PRKCE: variants seen among roughly 807,000 people sequenced by gnomAD.
PRKCE encodes the protein protein kinase C epsilon type.
A neutral mutation model predicts 85.4 loss-of-function variants in PRKCE; 16 were observed. The ratio of observed to expected loss-of-function variants is 0.19; its 90% CI spans 0.13 to 0.28. The LOEUF is 0.28. Among genes scored for constraint, PRKCE ranks in the 10% least tolerant of loss-of-function variants. The probability of loss-of-function intolerance (pLI) is 1.00; values close to 1 mark genes in which losing one functional copy is unlikely to be tolerated. For missense variants in PRKCE, 573 were observed against 975.2 expected, an observed-to-expected ratio of 0.59 and a Z score of 5.49; for synonymous variants, 388 against 371.5, an observed-to-expected ratio of 1.04 and a Z score of -0.51.
chr2:45,837,704 A>G (rs1690998805), intron 1 of PRKCE, among the ~76,000 whole-genome samples: 1 of 151,998 alleles, frequency 6.6e-6, no homozygotes. Flanking sequence ...CCTTAACCCC[A>G]GCTTTCTCAG....
At chr2:45,817,102 TG>T (rs1689120870) in intron 1 of PRKCE, among the ~76,000 whole-genome samples, 11 of 149,586 alleles carry the variant, frequency 7.4e-5, no homozygotes, top group Admixed American at 6.6e-4. Context: ...TGTGTGTGTG[TG>T]TGTGTGTTGT....
intron 14 of PRKCE, among the ~76,000 whole-genome samples, chr2:46,182,831 T>G (rs1023023094): frequency 6.6e-6 from 1 of 152,226 alleles, no homozygotes; most frequent in African/African-American, 2.4e-5. Context: ...GGCTTTATTT[T>G]GCCTAGTGGT....
rs1677539091 is a variant in PRKCE, at chr2:46,159,416, G to C, written c.1921-190G>C. Among the ~76,000 whole-genome samples, 1 of 152,148 alleles carries C rather than the reference G, an allele frequency of 6.6e-6. No individual in the cohort carries two copies. The highest frequency in any genetic ancestry group is 2.1e-4 in the South Asian group (1 of 4,820). On this transcript the variant is annotated intron_variant, in intron 13 of 14. Transcript: ENST00000306156. The surrounding 1 kb of genome is among the most constrained non-coding windows in gnomAD (Gnocchi z 4.1). ...TTGATACATGTACCATGTCTAGAATGGTGTCTGGGACATAGTCAATTCTAT... is the reference window on the plus strand; with the variant it reads ...TTGATACATGTACCATGTCTAGAATCGTGTCTGGGACATAGTCAATTCTAT...
intron 11 of PRKCE, among the ~76,000 whole-genome samples, chr2:46,119,056 C>T (rs984878983): frequency 1.3e-5 from 2 of 152,162 alleles, no homozygotes; most frequent in African/African-American, 4.8e-5. Flanking sequence ...TCTCTGGCTC[C>T]TTGGAACCAT....
At chr2:45,834,925 G>GATTTAAATA (rs1385474460) in intron 1 of PRKCE, among the ~76,000 whole-genome samples, 31 of 152,238 alleles carry the variant, frequency 2.0e-4, no homozygotes, top group African/African-American at 7.5e-4. Flanking sequence ...CACACAGACA[G>GATTTAAATA]ATTTAAATAA....
intron 1 of PRKCE, among the ~76,000 whole-genome samples, chr2:45,703,619 A>C: frequency 6.6e-6 from 1 of 151,998 alleles, no homozygotes; most frequent in African/African-American, 2.4e-5. Flanking sequence ...TGGAGTCTCC[A>C]GAGAACCTTG....
Position 45,907,254 on chromosome 2 carries a change from T to G in PRKCE, c.412+64191T>G, listed in dbSNP as rs1358422029. On this transcript the variant is annotated intron_variant, in intron 2 of 14. Coordinates refer to ENST00000306156, the MANE Select transcript of PRKCE (RefSeq NM_005400.3). This position sits in a 1 kb window ranked among gnomAD's most constrained non-coding sequence, Gnocchi z 4.5. ...TGACTGAGAATAAAAAGATTTTAAG[T>G]GGACTGGCAGTTGGCAAAGGAAAAA... Among the ~76,000 whole-genome samples, 1 of 152,192 alleles carries G rather than the reference T, an allele frequency of 6.6e-6. No individual in the cohort carries two copies. The highest frequency in any genetic ancestry group is 2.4e-5 in the African/African-American group (1 of 41,446).
At chr2:45,707,571 C>T (rs1033119273) in intron 1 of PRKCE, among the ~76,000 whole-genome samples, 4 of 152,208 alleles carry the variant, frequency 2.6e-5, no homozygotes, top group African/African-American at 9.6e-5. Flanking sequence ...GCTCTTGCCC[C>T]TGTGCTTGTC....
chr2:45,736,870 A>G (rs1410548649), intron 1 of PRKCE, among the ~76,000 whole-genome samples: 1 of 152,208 alleles, frequency 6.6e-6, no homozygotes, highest in African/African-American at 2.4e-5. Flanking sequence ...TGATGGAGGT[A>G]AGGATCATTT....
rs374642091 is a variant in PRKCE at position 45,845,206 on chromosome 2, A to G, written c.412+2143A>G. ...CTGTTCTCCCAGTCCTGTTGCTGGG[A>G]CTGTGAGGGTTCCTAGCCTGGAGGG... On this transcript the variant is annotated intron_variant, in intron 2 of 14. Transcript: ENST00000306156. 6.4e-4 allele frequency among the ~76,000 whole-genome samples: 97 copies of G among 151,606 alleles called. 1 individual carries two copies. The South Asian group carries it at 0.019, about 30-fold the overall frequency.
intron 14 of PRKCE, among the ~76,000 whole-genome samples, chr2:46,168,436 G>A (rs1678562734): frequency 6.6e-6 from 1 of 152,180 alleles, no homozygotes; most frequent in Non-Finnish European, 1.5e-5. Context: ...AGCTGGGAGG[G>A]ATCAGGAAGA....
chr2:46,136,285 A>T (rs563755733), intron 11 of PRKCE, among the ~76,000 whole-genome samples: 1 of 152,316 alleles, frequency 6.6e-6, no homozygotes, highest in East Asian at 1.9e-4. Flanking sequence ...AGTCAAGCAT[A>T]AAAGAATTGT....
intron 10 of PRKCE, among the ~76,000 whole-genome samples, chr2:46,061,240 G>T (rs973633547): frequency 6.6e-6 from 1 of 151,146 alleles, no homozygotes; most frequent in Admixed American, 6.6e-5. Flanking sequence ...CCCCTGAGTA[G>T]CTGGGACTAC....
intron 1 of PRKCE, among the ~76,000 whole-genome samples, chr2:45,781,656 C>T (rs910724143): frequency 2.6e-5 from 4 of 152,212 alleles, no homozygotes; most frequent in East Asian, 1.9e-4. Flanking sequence ...CCCCGGCCCC[C>T]GACATGATAT....
chr2:45,893,353 C>CT (rs61708342), intron 2 of PRKCE, among the ~76,000 whole-genome samples: 30,852 of 135,716 alleles, frequency 0.23, 4,041 homozygotes, highest in East Asian at 0.41. Context: ...CTTTTCTTTT[C>CT]TTTTTTTTTT....
intron 2 of PRKCE, among the ~76,000 whole-genome samples, chr2:45,857,593 T>G (rs184803584): frequency 6.6e-6 from 1 of 152,330 alleles, no homozygotes; most frequent in East Asian, 1.9e-4. Context: ...ATTTATTTAT[T>G]TTGGAGATGA....
rs41281465 is a variant in PRKCE, at chr2:46,007,502, A to G, written c.1104A>G (p.Ser368=). 10,517 of 1,599,792 alleles carry G rather than the reference A, an allele frequency of 6.6e-3. 42 individuals are homozygous for G. Among genetic ancestry groups the G allele is most frequent in the Non-Finnish European group, 7.9e-3 (9,322 of 1,179,964 alleles). ...ELENNIRKAL[S]FDNRGEEHRA... The stretch of plus-strand genomic sequence containing the variant: ...AGAACAACATTCGGAAAGCCTTGTC[A>G]TTTGACAACCGAGGAGAGGAGCACC... Residue 368 remains serine, a synonymous_variant, in exon 9 of 15, where the codon TCA becomes TCG. Transcript: ENST00000306156.
chr2:46,107,996 C>A (rs1423443665), intron 11 of PRKCE, among the ~76,000 whole-genome samples: 1 of 152,194 alleles, frequency 6.6e-6, no homozygotes, highest in Non-Finnish European at 1.5e-5. Flanking sequence ...TGGTGTGATC[C>A]TAGCTCGCTT....
At chr2:46,033,117 G>A (rs147194308) in intron 10 of PRKCE, among the ~76,000 whole-genome samples, 3 of 152,338 alleles carry the variant, frequency 2.0e-5, no homozygotes, top group East Asian at 3.9e-4. Flanking sequence ...AAGTCAACAT[G>A]TAGTATTTAC....
Sources: allele counts gnomAD v4.1 joint callset (sites outside exome capture counted in the v4.1 genomes callset), GRCh38; gene constraint gnomAD v4.1.1; non-coding constraint Gnocchi (gnomAD v3.1); transcripts MANE v1.5; gene names NCBI Gene and HGNC (gene_info 2026-07-23, HGNC 2026-07-21).